The following COL13A1 variants were observed in gnomAD, a reference collection of about 807,000 sequenced individuals.
COL13A1 encodes the protein collagen alpha-1(XIII) chain.
In COL13A1, 89 loss-of-function variants were observed where a neutral mutation model predicts 130.9. The observed-to-expected ratio is 0.68, with a 90% CI of 0.57 to 0.81. COL13A1 has a LOEUF of 0.81. Among genes scored for constraint, COL13A1 ranks in the 30% least tolerant of loss-of-function variants. The probability of loss-of-function intolerance (pLI) is 0.00; values close to 1 mark genes in which losing one functional copy is unlikely to be tolerated. For synonymous variants in COL13A1, 402 were observed against 341.6 expected, an observed-to-expected ratio of 1.18 and a Z score of -1.95; for missense variants, 879 against 934.6, an observed-to-expected ratio of 0.94 and a Z score of 0.78.
chr10:69,841,717 A>G (rs1238703696), intron 2 of COL13A1, among the ~76,000 whole-genome samples: 1 of 152,204 alleles, frequency 6.6e-6, no homozygotes, highest in East Asian at 1.9e-4. Flanking sequence ...TAGAAAAAAA[A>G]TCCTCAAGCG....
intron 2 of COL13A1, among the ~76,000 whole-genome samples, chr10:69,828,738 G>A (rs1442363329): frequency 6.6e-6 from 1 of 152,180 alleles, no homozygotes; most frequent in Non-Finnish European, 1.5e-5. Context: ...TGTTTGATGA[G>A]TATGTTAACG....
chr10:69,937,833 G>C, intron 34 of COL13A1, 118 bp downstream of exon 34: 1 of 616,424 alleles, frequency 1.6e-6, no homozygotes, highest in Non-Finnish European at 2.9e-6. Context: ...AGAGTTCCAT[G>C]TGGTTTGTCT....
intron 14 of COL13A1, among the ~76,000 whole-genome samples, chr10:69,902,041 C>A (rs1003111408): frequency 5.9e-5 from 9 of 152,112 alleles, no homozygotes; most frequent in Non-Finnish European, 1.3e-4. Flanking sequence ...GTGAGAAGGG[C>A]TAGGAGGGAG....
Position 69,852,788 on chromosome 10 carries a change from C to T in COL13A1, c.365-15010C>T, listed in dbSNP as rs533306622. On this transcript the variant is annotated intron_variant, in intron 2 of 40. Transcript: ENST00000645393. ...GGGCTGGGAGGGGAGAGGAATGGACCTCGCTGGGCAAAACTGGCAAACCCT... is the reference window on the plus strand; with the variant it reads ...GGGCTGGGAGGGGAGAGGAATGGACTTCGCTGGGCAAAACTGGCAAACCCT... Among the ~76,000 whole-genome samples, 169 of 152,356 alleles carry T rather than the reference C, an allele frequency of 1.1e-3. 2 individuals carry two copies. Among genetic ancestry groups the T allele is most frequent in the Non-Finnish European group, 2.1e-3 (144 of 68,040 alleles).
At position 69,913,993 on chromosome 10, in the gene COL13A1, G is replaced by A. The variant is rs555378863; in HGVS notation, c.922-3296G>A. On this transcript the variant is annotated intron_variant, in intron 17 of 40. Transcript: ENST00000645393. ...ACCCTAACAAGGAGGGCTGCCTCCC[G>A]AGGAGGCTCCTGGGGCTCTGATTTC... is the stretch of plus-strand genomic sequence containing the variant. 2.9e-4 allele frequency among the ~76,000 whole-genome samples: 44 copies of A among 152,314 alleles called. No homozygotes were observed. In the South Asian group the frequency reaches 6.4e-3, roughly 22 times the overall value.
intron 22 of COL13A1, 44 bp from the exon 23 acceptor site, chr10:69,922,664 C>T: frequency 6.6e-7 from 1 of 1,508,262 alleles, no homozygotes; most frequent in Admixed American, 1.9e-5. Context: ...TCAGCCTAGA[C>T]CTTCCTCCAC....
rs986011385 is a variant in COL13A1 at position 69,907,848 on chromosome 10, G to A, written c.921+2026G>A. ...CCCGTGATAACTATCCCACTCCCGC[G>A]ACAGCAACATTAATTTATTCATGAG... On this transcript the variant is annotated intron_variant, in intron 17 of 40. Coordinates refer to ENST00000645393, the MANE Select transcript of COL13A1 (RefSeq NM_001368882.1). Among the ~76,000 whole-genome samples the A allele has an allele frequency of 4.6e-5, 7 of 152,132 alleles. No individual in the cohort carries two copies. The East Asian group carries it at 7.7e-4, about 17-fold the overall frequency.
At chr10:69,953,229 AG>A (rs1310222962) in intron 39 of COL13A1, among the ~76,000 whole-genome samples, 1 of 152,212 alleles carries the variant, frequency 6.6e-6, no homozygotes, top group Non-Finnish European at 1.5e-5. Context: ...TGTGGAAGTG[AG>A]GAAACCACTA....
chr10:69,821,800 G>A (rs954858885), intron 1 of COL13A1, among the ~76,000 whole-genome samples: 5 of 152,152 alleles, frequency 3.3e-5, no homozygotes, highest in Admixed American at 2.0e-4. Flanking sequence ...CGAGGGTCGG[G>A]GTGTTCTACC....
At chr10:69,833,708 A>G in intron 2 of COL13A1, among the ~76,000 whole-genome samples, 1 of 152,190 alleles carries the variant, frequency 6.6e-6, no homozygotes, top group Admixed American at 6.5e-5. Context: ...AAACAATGAA[A>G]CAACATAATA....
At chr10:69,935,203 T>C (rs2066669363) in intron 31 of COL13A1, 147 bp from the exon 32 acceptor site, 1 of 656,054 alleles carries the variant, frequency 1.5e-6, no homozygotes, top group Non-Finnish European at 2.7e-6. Flanking sequence ...TGAGCCTTTT[T>C]TGGGGGATAC....
At chr10:69,929,050 C>A in intron 28 of COL13A1, 51 bp downstream of exon 28, 2 of 1,414,258 alleles carry the variant, frequency 1.4e-6, no homozygotes, top group East Asian at 2.3e-5. Context: ...GGCATCGACC[C>A]CAGGGCTTCC....
Position 69,922,753 on chromosome 10 carries a change from G to A in COL13A1, c.1189G>A (p.Glu397Lys). ...CAACTCCATTGGAGGAGGCAGAGGG[G>A]AACCTGGCCCTCCAGGGCTCCCTGG... Reference protein sequence around the residue: ...AGNSIGGGRGEPGPPGLPGPP... With the variant: ...AGNSIGGGRGKPGPPGLPGPP... The change falls in exon 23 of 41, where the codon GAA becomes AAA. Residue 397 changes from glutamate to lysine, a missense_variant. Physicochemically the swap from Glu to Lys is moderately conservative, Grantham distance 56. Coordinates refer to ENST00000645393, the MANE Select transcript of COL13A1 (RefSeq NM_001368882.1). The A allele has an allele frequency of 6.2e-7, 1 of 1,605,852 alleles. No homozygotes were observed. Among genetic ancestry groups the A allele is most frequent in the Non-Finnish European group, 8.5e-7 (1 of 1,176,632 alleles).
chr10:69,836,094 ATC>A (rs200543055), intron 2 of COL13A1, among the ~76,000 whole-genome samples: 2 of 152,066 alleles, frequency 1.3e-5, no homozygotes, highest in South Asian at 4.1e-4. Context: ...ACCTCTAGCT[ATC>A]TCTCTCTCTC....
rs553176201 is a variant in COL13A1, at chr10:69,899,531, C to T, written c.750+769C>T. On this transcript the variant is annotated intron_variant, in intron 14 of 40. Transcript: ENST00000645393. ...TCTCTCAGCTGGACCTACCTCCTCT[C>T]TACTTAGAAATGCAGACTGCTTAGC... 1.2e-4 allele frequency among the ~76,000 whole-genome samples: 18 copies of T among 152,284 alleles called. No homozygotes were observed. The South Asian group carries it at 3.7e-3, about 32-fold the overall frequency.
In COL13A1 at chr10:69,926,487, TCCAGACATGA is replaced by T. The variant is rs549652335; in HGVS notation, c.1399-595_1399-586del. Among the ~76,000 whole-genome samples, 171 of 152,272 alleles carry T rather than the reference TCCAGACATGA, an allele frequency of 1.1e-3. 1 individual carries two copies. Among genetic ancestry groups the T allele is most frequent in the African/African-American group, 3.8e-3 (157 of 41,554 alleles). Reference sequence around the variant, plus strand: ...TCAGCTGTGACAACCAAACTATGTCTCCAGACATGACCAGTTATCCCTTGGGGGAAGAAAT... The same window carrying T: ...TCAGCTGTGACAACCAAACTATGTCTCCAGTTATCCCTTGGGGGAAGAAAT... On this transcript the variant is annotated intron_variant, in intron 26 of 40. Coordinates refer to ENST00000645393, the MANE Select transcript of COL13A1 (RefSeq NM_001368882.1).
At chr10:69,831,955 C>A (rs1273458606) in intron 2 of COL13A1, among the ~76,000 whole-genome samples, 1 of 152,166 alleles carries the variant, frequency 6.6e-6, no homozygotes, top group East Asian at 1.9e-4. Flanking sequence ...GGGCCCGACA[C>A]ACACTTGGCG....
intron 32 of COL13A1, among the ~76,000 whole-genome samples, chr10:69,936,017 A>T (rs2066789978): frequency 6.8e-6 from 1 of 146,804 alleles, no homozygotes; most frequent in Non-Finnish European, 1.5e-5. Flanking sequence ...GTCTCAAAAA[A>T]AAAGAAAAAG....
intron 1 of COL13A1, among the ~76,000 whole-genome samples, chr10:69,805,978 G>C (rs1841455328): frequency 6.6e-6 from 1 of 152,262 alleles, no homozygotes; most frequent in African/African-American, 2.4e-5. Context: ...CAGGATTCTA[G>C]CTGGGCTTTG....
Sources: gnomAD v4.1 joint callset for allele counts (sites outside exome capture counted in the v4.1 genomes callset) on GRCh38, gnomAD v4.1.1 for gene constraint, MANE v1.5 for transcripts, NCBI Gene and HGNC (gene_info 2026-07-23, HGNC 2026-07-21) for gene names.